NEK11: variants seen among roughly 807,000 people sequenced by gnomAD.
NEK11 encodes the protein NIMA related kinase 11.
Under a neutral mutation model 80.7 loss-of-function variants are expected in NEK11, and 72 were observed. The ratio of observed to expected loss-of-function variants is 0.89; its 90% CI spans 0.74 to 1.08. The LOEUF is 1.08. NEK11 is among the 50% of genes least tolerant of loss of function. The probability of loss-of-function intolerance (pLI) is 0.00; values close to 1 mark genes in which losing one functional copy is unlikely to be tolerated. For missense variants in NEK11, 764 were observed against 763.6 expected, an observed-to-expected ratio of 1.00 and a Z score of -0.01; for synonymous variants, 251 against 260.7, an observed-to-expected ratio of 0.96 and a Z score of 0.36.
chr3:131,048,592 G>A lies in NEK11; in HGVS notation c.170+18714G>A, dbSNP rs116562987. ...CCCCAGTGAGGGTGTGTGTTTGGGG[G>A]CAGATGATCCCTCTTTCACACTTTG... On this transcript the variant is annotated intron_variant, in intron 3 of 17. Transcript: ENST00000383366. Among the ~76,000 whole-genome samples the A allele has an allele frequency of 8.2e-3, 1,249 of 152,254 alleles. 16 individuals are homozygous for A. Among genetic ancestry groups the A allele is most frequent in the African/African-American group, 0.029 (1,188 of 41,540 alleles).
intron 17 of NEK11, among the ~76,000 whole-genome samples, chr3:131,294,235 T>A (rs2096571508): frequency 6.6e-6 from 1 of 152,128 alleles, no homozygotes; most frequent in Non-Finnish European, 1.5e-5. Context: ...TTGCTTTCAC[T>A]ATATCCACAA....
chr3:131,082,298 C>T (rs2075386645), intron 4 of NEK11, among the ~76,000 whole-genome samples: 1 of 152,204 alleles, frequency 6.6e-6, no homozygotes, highest in African/African-American at 2.4e-5. Context: ...CATATTTCTT[C>T]TTTAGCCTCC....
intron 3 of NEK11, among the ~76,000 whole-genome samples, chr3:131,058,147 T>C (rs534768041): frequency 6.6e-6 from 1 of 152,334 alleles, no homozygotes; most frequent in East Asian, 1.9e-4. Context: ...AAATAGGGAA[T>C]CCTTTTCCCA....
At chr3:131,332,934 A>G (rs1204534572) in intron 17 of NEK11, among the ~76,000 whole-genome samples, 5 of 152,218 alleles carry the variant, frequency 3.3e-5, no homozygotes, top group Admixed American at 1.3e-4. Context: ...ATAAAAAGAA[A>G]TGAACAAAGC....
chr3:131,230,072 A>G (rs1032454364), intron 15 of NEK11, among the ~76,000 whole-genome samples: 2 of 152,298 alleles, frequency 1.3e-5, no homozygotes, highest in Admixed American at 6.5e-5. Context: ...TTCTGGGCCT[A>G]TGGTTGCAAA....
chr3:131,265,121 C>T (rs7624212), intron 16 of NEK11, among the ~76,000 whole-genome samples: 6,374 of 152,130 alleles, frequency 0.042, 424 homozygotes, highest in African/African-American at 0.14. Context: ...TGGGCTGAGA[C>T]GAGGGGGTTT....
intron 16 of NEK11, among the ~76,000 whole-genome samples, chr3:131,259,516 C>T (rs2095874390): frequency 6.6e-6 from 1 of 152,106 alleles, no homozygotes; most frequent in Non-Finnish European, 1.5e-5. Context: ...CCGTCTCTGA[C>T]AGAGTTGAGT....
chr3:131,181,610 G>A (rs776627254), intron 14 of NEK11, among the ~76,000 whole-genome samples: 7 of 151,956 alleles, frequency 4.6e-5, no homozygotes, highest in Non-Finnish European at 8.8e-5. Context: ...GCAGGGTGTG[G>A]TGGCGGGCGC....
intron 17 of NEK11, among the ~76,000 whole-genome samples, chr3:131,318,759 T>A (rs373844179): frequency 1.5e-5 from 2 of 136,256 alleles, no homozygotes; most frequent in East Asian, 2.1e-4. Flanking sequence ...ATATATATAT[T>A]TATAAAACAG....
intron 17 of NEK11, among the ~76,000 whole-genome samples, chr3:131,322,080 GA>G (rs756389805): frequency 2.0e-5 from 3 of 152,162 alleles, no homozygotes; most frequent in Non-Finnish European, 4.4e-5. Flanking sequence ...CAAAGACATG[GA>G]ATCAACCTAG....
Position 131,080,442 on chromosome 3 carries a change from T to C in NEK11, c.190T>C (p.Ser64Pro), listed in dbSNP as rs1560300733. The change falls in exon 4 of 18, where the codon TCT becomes CCT. Residue 64 changes from serine to proline, a missense_variant. By Grantham distance (74) the Ser-to-Pro change is moderately conservative. Coordinates refer to ENST00000383366, the MANE Select transcript of NEK11 (RefSeq NM_024800.5). ...TCTCAGAAAGGTACTTAAGGAAATA[T>C]CTGTTGGAGAACTAAATCCAAATGA... ...GEELKVLKEISVGELNPNETV... is the reference protein window; with the variant it reads ...GEELKVLKEIPVGELNPNETV... The C allele has an allele frequency of 6.2e-7, 1 of 1,602,478 alleles. No homozygotes were observed. Among genetic ancestry groups the C allele is most frequent in the Non-Finnish European group, 8.5e-7 (1 of 1,177,304 alleles).
intron 7 of NEK11, among the ~76,000 whole-genome samples, chr3:131,151,955 TA>T (rs2089721216): frequency 1.3e-5 from 2 of 152,096 alleles, no homozygotes; most frequent in African/African-American, 4.8e-5. Context: ...GGATACACAT[TA>T]GAGGGAAGGT....
intron 17 of NEK11, among the ~76,000 whole-genome samples, chr3:131,304,382 C>T (rs1399807015): frequency 6.6e-6 from 1 of 152,128 alleles, no homozygotes; most frequent in Non-Finnish European, 1.5e-5. Context: ...CTTTTCTATC[C>T]ATATTCTGAA....
chr3:131,134,684 C>T (rs1455851161), intron 7 of NEK11, among the ~76,000 whole-genome samples: 1 of 152,130 alleles, frequency 6.6e-6, no homozygotes, highest in Non-Finnish European at 1.5e-5. Context: ...CAGGTGTGAG[C>T]CACCGCGCCC....
intron 14 of NEK11, 128 bp downstream of exon 14, chr3:131,171,015 CCAGGG>C (rs2092655108): frequency 1.3e-6 from 1 of 758,242 alleles, no homozygotes; most frequent in Non-Finnish European, 2.4e-6. Flanking sequence ...TATCAGTTTA[CCAGGG>C]CTGGGCTATG....
intron 3 of NEK11, among the ~76,000 whole-genome samples, chr3:131,065,981 A>G (rs951199192): frequency 6.6e-6 from 1 of 152,188 alleles, no homozygotes; most frequent in African/African-American, 2.4e-5. Context: ...AGAGTCCAGC[A>G]TATTTGGTCT....
chr3:131,206,925 T>C (rs1472928318), intron 14 of NEK11, among the ~76,000 whole-genome samples: 2 of 152,246 alleles, frequency 1.3e-5, no homozygotes, highest in African/African-American at 4.8e-5. Flanking sequence ...TGGTTGGTTT[T>C]CTGTCCTTGT....
intron 14 of NEK11, among the ~76,000 whole-genome samples, chr3:131,213,859 T>A (rs555747216): frequency 6.6e-6 from 1 of 152,188 alleles, no homozygotes; most frequent in East Asian, 1.9e-4. Context: ...GAAACCCTAA[T>A]CCCCAGTGGG....
intron 14 of NEK11, among the ~76,000 whole-genome samples, chr3:131,182,987 A>G (rs1382916199): frequency 1.3e-5 from 2 of 152,186 alleles, no homozygotes; most frequent in Non-Finnish European, 1.5e-5. Flanking sequence ...CAATTTGCAT[A>G]AGCAGTTGCT....
Sources: gnomAD v4.1 joint callset for allele counts (sites outside exome capture counted in the v4.1 genomes callset) on GRCh38, gnomAD v4.1.1 for gene constraint, MANE v1.5 for transcripts, NCBI Gene and HGNC (gene_info 2026-07-23, HGNC 2026-07-21) for gene names.